Variants in DLG1 observed in about 807,000 individuals in gnomAD.
DLG1 encodes the protein disks large homolog 1.
DLG1 carries 42 observed loss-of-function variants against 123.4 expected under a neutral mutation model. The ratio of observed to expected loss-of-function variants is 0.34; its 90% CI spans 0.27 to 0.44. The LOEUF is 0.44. DLG1 is among the 20% of genes least tolerant of loss of function. DLG1 has a pLI of 1.00. For synonymous variants in DLG1, 317 were observed against 356.2 expected (o/e 0.89, Z 1.24); for missense variants, 942 against 1,082.6 (o/e 0.87, Z 1.82).
rs971233774 is a variant in DLG1 at position 197,148,170 on chromosome 3, G to A, written c.537+1573C>T. 4.2e-5 allele frequency among the ~76,000 whole-genome samples: 6 copies of A among 143,678 alleles called. No homozygotes were observed. In the Admixed American group the frequency reaches 4.4e-4, roughly 11 times the overall value. The allele number at this position is 143,678 out of a possible 152,430, so 94.3% of individuals were successfully genotyped here. ...TCCCAGCACTTTGGGAGGCTGAGGCGGGCTGGATGACTTGAGCTCAGGAGT... is the reference window on the plus strand; with the variant it reads ...TCCCAGCACTTTGGGAGGCTGAGGCAGGCTGGATGACTTGAGCTCAGGAGT... On this transcript the variant is annotated intron_variant, in intron 6 of 24. Transcript: ENST00000667157.
At chr3:197,152,889 C>T (rs1236940924) in intron 5 of DLG1, among the ~76,000 whole-genome samples, 1 of 151,886 alleles carries the variant, frequency 6.6e-6, no homozygotes, top group African/African-American at 2.4e-5. Context: ...CTGAAGCAGC[C>T]TTACAAAGTT....
At chr3:197,257,150 C>T (rs1446146753) in intron 4 of DLG1, among the ~76,000 whole-genome samples, 3 of 152,170 alleles carry the variant, frequency 2.0e-5, no homozygotes, top group Non-Finnish European at 4.4e-5. Context: ...ATATTTAATA[C>T]CCCTTTCAAA....
chr3:197,179,832 T>C (rs2150118540), intron 5 of DLG1, among the ~76,000 whole-genome samples: 1 of 152,282 alleles, frequency 6.6e-6, no homozygotes, highest in East Asian at 1.9e-4. Flanking sequence ...TTTTTTAAAG[T>C]GTACAAATTA....
chr3:197,126,637 T>C (rs1463930752), intron 11 of DLG1, among the ~76,000 whole-genome samples: 1 of 152,206 alleles, frequency 6.6e-6, no homozygotes, highest in African/African-American at 2.4e-5. Flanking sequence ...TATATAAAGT[T>C]TATGTGCTAG....
intron 5 of DLG1, among the ~76,000 whole-genome samples, chr3:197,184,614 A>T (rs1198677133): frequency 6.6e-6 from 1 of 152,254 alleles, no homozygotes; most frequent in African/African-American, 2.4e-5. Flanking sequence ...TTACTAAAAC[A>T]AGTATTTTGC....
intron 4 of DLG1, among the ~76,000 whole-genome samples, chr3:197,231,467 C>T (rs988147608): frequency 2.6e-5 from 4 of 152,084 alleles, no homozygotes; most frequent in South Asian, 2.1e-4. Context: ...TTTGGGAGGC[C>T]GAGCGGGCGG....
intron 5 of DLG1, among the ~76,000 whole-genome samples, chr3:197,190,838 G>T (rs540241830): frequency 2.0e-5 from 3 of 152,084 alleles, no homozygotes; most frequent in African/African-American, 7.2e-5. Context: ...GTGAAACCCC[G>T]TCTCTACTAA....
At position 197,172,798 on chromosome 3, in the gene DLG1, A is replaced by G. The variant is rs142971619; in HGVS notation, c.483+21627T>C. On this transcript the variant is annotated intron_variant, in intron 5 of 24. Coordinates refer to ENST00000667157, the MANE Select transcript of DLG1 (RefSeq NM_001366207.1). ...CAAAATGTAAAAAATTGCCAGTTTC[A>G]TGTTGTTCTCTATCTAGCAATAATG... Among the ~76,000 whole-genome samples, 514 of 152,322 alleles carry G rather than the reference A, an allele frequency of 3.4e-3. 5 individuals carry two copies. Among genetic ancestry groups the G allele is most frequent in the African/African-American group, 0.012 (480 of 41,572 alleles).
Position 197,127,915 on chromosome 3 carries a change from T to TAA in DLG1, c.1165+2610_1165+2611dup, listed in dbSNP as rs11337164. The stretch of plus-strand genomic sequence containing the variant: ...CCTTAATTTAAAAATACTTTATTGC[T>TAA]AAAAAAAAACCGCTAGCAATCATCT... On this transcript the variant is annotated intron_variant, in intron 11 of 24. Coordinates refer to ENST00000667157, the MANE Select transcript of DLG1 (RefSeq NM_001366207.1). 9.3e-5 allele frequency among the ~76,000 whole-genome samples: 14 copies of TAA among 150,942 alleles called. 1 individual carries two copies. In the Middle Eastern group the frequency reaches 0.014, roughly 148 times the overall value.
chr3:197,081,247 T>TTA, intron 16 of DLG1, 130 bp from the exon 17 acceptor site: 2 of 730,694 alleles, frequency 2.7e-6, no homozygotes, highest in Non-Finnish European at 4.3e-6. Context: ...CATCTAGGTT[T>TTA]GCATCCCCAA....
At chr3:197,108,428 G>A (rs1025801939) in intron 13 of DLG1, among the ~76,000 whole-genome samples, 6 of 152,054 alleles carry the variant, frequency 3.9e-5, no homozygotes, top group African/African-American at 1.4e-4. Context: ...CTGGTCCTGG[G>A]ATTTTTGTGT....
Position 197,250,957 on chromosome 3 carries a change from T to G in DLG1, c.318+31722A>C, listed in dbSNP as rs1157408487. On this transcript the variant is annotated intron_variant, in intron 4 of 24. Coordinates refer to ENST00000667157, the MANE Select transcript of DLG1 (RefSeq NM_001366207.1). ...AAGATCATGCCACTGCACTCCAGCCTGGGCAACAGAGCAAGACTCCATCAA... is the reference window on the plus strand; with the variant it reads ...AAGATCATGCCACTGCACTCCAGCCGGGGCAACAGAGCAAGACTCCATCAA... 5.4e-5 allele frequency among the ~76,000 whole-genome samples: 7 copies of G among 128,578 alleles called. No homozygotes were observed. The East Asian group carries it at 1.3e-3, about 24-fold the overall frequency. The allele number at this position is 128,578 out of a possible 152,430, so 84.4% of individuals were successfully genotyped here.
At chr3:197,095,900 T>G (rs1760382698) in intron 14 of DLG1, among the ~76,000 whole-genome samples, 1 of 152,240 alleles carries the variant, frequency 6.6e-6, no homozygotes, top group African/African-American at 2.4e-5. Context: ...CCATTTGACA[T>G]GTCTCCAACA....
intron 5 of DLG1, chr3:197,183,511 C>T: frequency 1.4e-6 from 2 of 1,401,150 alleles, no homozygotes; most frequent in South Asian, 2.6e-5. Flanking sequence ...TATATTAAGA[C>T]ATTTTTACAG....
chr3:197,083,903 G>A (rs1264984276), intron 16 of DLG1, among the ~76,000 whole-genome samples: 1 of 152,156 alleles, frequency 6.6e-6, no homozygotes, highest in African/African-American at 2.4e-5. Context: ...GAGCCCAGGA[G>A]TCTGAGGTTC....
chr3:197,106,691 G>A (rs1005650368), intron 13 of DLG1, among the ~76,000 whole-genome samples: 8 of 152,132 alleles, frequency 5.3e-5, no homozygotes, highest in Admixed American at 3.3e-4. Context: ...TCTTTTAAGA[G>A]CATAATTTGT....
chr3:197,212,863 C>T (rs1333545263), intron 4 of DLG1, among the ~76,000 whole-genome samples: 1 of 152,156 alleles, frequency 6.6e-6, no homozygotes, highest in Non-Finnish European at 1.5e-5. Flanking sequence ...TGATACTCAA[C>T]ATCACAAGTT....
chr3:197,134,185 A>C (rs1157146084), intron 10 of DLG1, among the ~76,000 whole-genome samples: 1 of 152,146 alleles, frequency 6.6e-6, no homozygotes. Flanking sequence ...CTGTGAAAGG[A>C]TAAGTTAGAG....
upstream of DLG1, chr3:197,298,843 T>G (rs1387243108): frequency 2.7e-6 from 1 of 364,082 alleles, no homozygotes; most frequent in African/African-American, 2.1e-5. Context: ...CTGGTTAACT[T>G]GGCAAGAGTT....
Sources: allele counts gnomAD v4.1 joint callset (sites outside exome capture counted in the v4.1 genomes callset), GRCh38; gene constraint gnomAD v4.1.1; transcripts MANE v1.5; gene names NCBI Gene and HGNC (gene_info 2026-07-23, HGNC 2026-07-21).